INTS7: variants seen among roughly 807,000 people sequenced by gnomAD.
INTS7 encodes the protein integrator complex subunit 7, also known as chromosome 1 open reading frame 73.
Under a neutral mutation model 109.2 loss-of-function variants are expected in INTS7, and 46 were observed. The observed-to-expected ratio is 0.42, with a 90% confidence interval of 0.33 to 0.54. INTS7 has a LOEUF of 0.54. INTS7 is among the 20% of genes least tolerant of loss of function. INTS7 has a pLI of 0.07. For synonymous variants in INTS7, 412 were observed against 402.9 expected (o/e 1.02, Z -0.27); for missense variants, 929 against 1,132.4 (o/e 0.82, Z 2.58).
intron 1 of INTS7, among the ~76,000 whole-genome samples, chr1:212,028,774 G>A (rs77985940): frequency 0.026 from 3,980 of 152,224 alleles, 57 homozygotes; most frequent in African/African-American, 0.046. Flanking sequence ...TAAGCACTTT[G>A]CATGTATTAA....
At chr1:211,972,451 G>A (rs887006069) in intron 13 of INTS7, among the ~76,000 whole-genome samples, 9 of 152,070 alleles carry the variant, frequency 5.9e-5, no homozygotes, top group East Asian at 1.9e-4. Flanking sequence ...TCATTGGAAC[G>A]TTTCAAATTT....
At chr1:212,003,218 T>C (rs1042950900) in intron 7 of INTS7, among the ~76,000 whole-genome samples, 1 of 142,270 alleles carries the variant, frequency 7.0e-6, no homozygotes, top group African/African-American at 2.7e-5. Context: ...AAATCAAACA[T>C]AGTCTAGACA....
At chr1:211,960,720 G>A (rs1308905141) in intron 16 of INTS7, among the ~76,000 whole-genome samples, 2 of 152,208 alleles carry the variant, frequency 1.3e-5, no homozygotes, top group African/African-American at 4.8e-5. Context: ...AGAGCTTGAA[G>A]ACTGGCTTTC....
At chr1:211,957,274 G>A (rs976200560) in intron 16 of INTS7, among the ~76,000 whole-genome samples, 18 of 152,084 alleles carry the variant, frequency 1.2e-4, no homozygotes, top group African/African-American at 3.6e-4. Context: ...AGCCGGGCAT[G>A]GTGTCTCATG....
chr1:212,007,478 T>C, intron 5 of INTS7, 29 bp from the exon 6 acceptor site: 1 of 1,535,422 alleles, frequency 6.5e-7, no homozygotes, highest in African/African-American at 1.4e-5. Context: ...CTCAAGGTAT[T>C]TGTGATCACC....
intron 13 of INTS7, among the ~76,000 whole-genome samples, chr1:211,974,076 A>G (rs1371329171): frequency 6.6e-6 from 1 of 152,040 alleles, no homozygotes; most frequent in African/African-American, 2.4e-5. Context: ...AATTAATTCC[A>G]TCTGCCTCAC....
At chr1:211,982,916 A>C (rs1054286360) in intron 8 of INTS7, 106 bp from the exon 9 acceptor site, 10 of 771,048 alleles carry the variant, frequency 1.3e-5, no homozygotes, top group African/African-American at 5.3e-5. Flanking sequence ...CTCTAACAAT[A>C]AACTTCAACA....
intron 11 of INTS7, 59 bp from the exon 12 acceptor site, chr1:211,976,778 T>TA (rs1382203097): frequency 6.5e-7 from 1 of 1,549,664 alleles, no homozygotes; most frequent in Non-Finnish European, 8.9e-7. Flanking sequence ...GTGTCATTGA[T>TA]AACCTACCCC....
Position 211,952,610 on chromosome 1 carries a change from C to T in INTS7, c.2275G>A (p.Val759Ile). 5 of 1,613,274 alleles carry T rather than the reference C, an allele frequency of 3.1e-6. No individual in the cohort carries two copies. Among genetic ancestry groups the T allele is most frequent in the Non-Finnish European group, 3.4e-6 (4 of 1,179,504 alleles). The part of the protein sequence containing the change: ...MSVYNHVLEE[V>I]ESLNRKYTPV... ...GTATATTTCCGATTGAGTGATTCTA[C>T]CTCCTCCAAGACATGATTATATACA... Residue 759 changes from valine to isoleucine, a missense_variant, in exon 17 of 20, where the codon GTA (valine) becomes ATA (isoleucine). Coordinates refer to ENST00000366994, the MANE Select transcript of INTS7 (RefSeq NM_015434.4).
intron 16 of INTS7, among the ~76,000 whole-genome samples, chr1:211,963,192 A>T (rs907354780): frequency 1.3e-5 from 2 of 151,912 alleles, no homozygotes; most frequent in African/African-American, 4.8e-5. Context: ...TATCACTGAC[A>T]CCACAGAAAT....
chr1:211,968,890 C>T (rs1317293853), intron 13 of INTS7, among the ~76,000 whole-genome samples, 183 bp from the exon 14 acceptor site: 1 of 152,076 alleles, frequency 6.6e-6, no homozygotes, highest in Non-Finnish European at 1.5e-5. Flanking sequence ...TTATTAAACA[C>T]CAGCTCTGAA....
At chr1:211,981,935 G>C (rs966044127) in intron 9 of INTS7, among the ~76,000 whole-genome samples, 1 of 152,102 alleles carries the variant, frequency 6.6e-6, no homozygotes, top group Non-Finnish European at 1.5e-5. Flanking sequence ...AATGTTTCCT[G>C]AGTGCAGGAG....
intron 1 of INTS7, among the ~76,000 whole-genome samples, chr1:212,029,058 T>A (rs1349462592): frequency 6.6e-6 from 1 of 152,218 alleles, no homozygotes; most frequent in Non-Finnish European, 1.5e-5. Context: ...TCTGAGGTGA[T>A]GAATTCTAGG....
intron 16 of INTS7, among the ~76,000 whole-genome samples, chr1:211,965,564 C>T (rs558328623): frequency 2.0e-5 from 3 of 152,240 alleles, no homozygotes; most frequent in Non-Finnish European, 2.9e-5. Context: ...CCATCGATGG[C>T]AGACCAGATA....
chr1:212,022,148 T>C (rs1426229903), intron 1 of INTS7, among the ~76,000 whole-genome samples: 2 of 152,164 alleles, frequency 1.3e-5, no homozygotes, highest in Non-Finnish European at 2.9e-5. Flanking sequence ...ACTTGCATCA[T>C]ACACAAAAAT....
intron 4 of INTS7, among the ~76,000 whole-genome samples, chr1:212,012,771 G>A (rs897679332): frequency 2.6e-5 from 4 of 152,096 alleles, no homozygotes; most frequent in African/African-American, 9.7e-5. Context: ...TCCAAAACCA[G>A]TAATTTTGCA....
chr1:211,987,830 A>G (rs1664960986), intron 8 of INTS7, 56 bp downstream of exon 8: 1 of 988,882 alleles, frequency 1.0e-6, no homozygotes, highest in East Asian at 2.6e-5. Context: ...TGAAACATAA[A>G]TATGGATAAA....
chr1:211,958,236 G>C (rs1663454962), intron 16 of INTS7, among the ~76,000 whole-genome samples: 1 of 151,882 alleles, frequency 6.6e-6, no homozygotes, highest in Non-Finnish European at 1.5e-5. Flanking sequence ...TTCTGAAAAT[G>C]CCTTAATTTA....
intron 7 of INTS7, among the ~76,000 whole-genome samples, chr1:211,994,177 A>G (rs563684418): frequency 6.6e-6 from 1 of 152,196 alleles, no homozygotes; most frequent in Non-Finnish European, 1.5e-5. Context: ...GTAATTGTAA[A>G]ATAATGATGG....
Sources: allele counts gnomAD v4.1 joint callset (sites outside exome capture counted in the v4.1 genomes callset), GRCh38; gene constraint gnomAD v4.1.1; transcripts MANE v1.5; gene names NCBI Gene and HGNC (gene_info 2026-07-23, HGNC 2026-07-21).